KLHL29: variants seen among roughly 807,000 people sequenced by gnomAD.
KLHL29 encodes the protein kelch like family member 29.
In KLHL29, 21 loss-of-function variants were observed where a neutral mutation model predicts 80.4. The ratio of observed to expected loss-of-function variants is 0.26; its 90% CI spans 0.19 to 0.38. The LOEUF is 0.38. KLHL29 is among the 10% of genes least tolerant of loss of function. The pLI is 1.00. For synonymous variants in KLHL29, 511 were observed against 526.8 expected, an observed-to-expected ratio of 0.97 and a Z score of 0.41; for missense variants, 867 against 1,223.9, an observed-to-expected ratio of 0.71 and a Z score of 4.35.
intron 2 of KLHL29, among the ~76,000 whole-genome samples, chr2:23,552,561 G>A (rs567067523): frequency 4.7e-4 from 72 of 152,190 alleles, no homozygotes; most frequent in Admixed American, 3.5e-3. Flanking sequence ...TCTGCCAGAC[G>A]TTCTTCCCTC....
intron 3 of KLHL29, among the ~76,000 whole-genome samples, chr2:23,586,526 A>G (rs1668123715): frequency 6.6e-6 from 1 of 151,428 alleles, no homozygotes; most frequent in Non-Finnish European, 1.5e-5. Context: ...TGCCCGGCTA[A>G]TTTTTGTATT....
chr2:23,439,669 T>G (rs1308250523), intron 1 of KLHL29, among the ~76,000 whole-genome samples: 1 of 152,126 alleles, frequency 6.6e-6, no homozygotes, highest in Non-Finnish European at 1.5e-5. Context: ...CACTGTGGTC[T>G]GAGAGACAGT....
At chr2:23,651,270 C>T (rs1407835094) in intron 5 of KLHL29, among the ~76,000 whole-genome samples, 1 of 152,190 alleles carries the variant, frequency 6.6e-6, no homozygotes, top group Admixed American at 6.5e-5. Context: ...GTTTTCAGTA[C>T]ACCACAAGGC....
rs975442311 is a variant in KLHL29 at position 23,706,353 on chromosome 2, C to T, written c.2445-128C>T. On this transcript the variant is annotated intron_variant, in intron 13 of 13. Coordinates refer to ENST00000486442, the MANE Select transcript of KLHL29 (RefSeq NM_052920.2). Reference sequence around the variant, plus strand: ...GCCCAGGTTAGAGGGCAAAGAAGGGCAGCAAGATCCCAGATGCCTTCTGCA... The same window carrying T: ...GCCCAGGTTAGAGGGCAAAGAAGGGTAGCAAGATCCCAGATGCCTTCTGCA... 3.7e-5 allele frequency: 24 copies of T among 650,932 alleles called. No individual in the cohort carries two copies. In the African/African-American group the frequency reaches 4.6e-4, roughly 12 times the overall value. 40.3% of individuals were successfully genotyped at this position (650,932 alleles called of 1,614,324 possible).
intron 3 of KLHL29, among the ~76,000 whole-genome samples, chr2:23,631,019 G>A (rs571043175): frequency 2.0e-5 from 3 of 152,196 alleles, no homozygotes; most frequent in African/African-American, 7.2e-5. Flanking sequence ...GTGATTGGTG[G>A]TTTCCACTTA....
At chr2:23,558,977 C>T (rs1667370444) in intron 2 of KLHL29, among the ~76,000 whole-genome samples, 1 of 152,226 alleles carries the variant, frequency 6.6e-6, no homozygotes, top group South Asian at 2.1e-4. Flanking sequence ...TAGACAGCAG[C>T]CGTGGCTGCA....
chr2:23,404,282 C>G (rs1666672207), intron 1 of KLHL29, among the ~76,000 whole-genome samples: 1 of 148,476 alleles, frequency 6.7e-6, no homozygotes, highest in African/African-American at 2.5e-5. Context: ...AAAAAAAAAT[C>G]ACTCAGTCAT....
intron 1 of KLHL29, among the ~76,000 whole-genome samples, chr2:23,398,567 G>T (rs552227862): frequency 1.4e-4 from 22 of 152,374 alleles, no homozygotes; most frequent in African/African-American, 5.0e-4. Context: ...TGTAGGTTTT[G>T]CAGATGCTGC....
chr2:23,548,392 T>G (rs1709307), intron 2 of KLHL29, among the ~76,000 whole-genome samples: 23,242 of 151,660 alleles, frequency 0.15, 2,119 homozygotes, highest in African/African-American at 0.25. Context: ...GACACACACA[T>G]GCACGCACCC....
intron 1 of KLHL29, among the ~76,000 whole-genome samples, chr2:23,474,762 T>A (rs566371869): frequency 3.9e-5 from 6 of 152,206 alleles, no homozygotes; most frequent in African/African-American, 1.4e-4. Context: ...ACATTAAAGC[T>A]TTCCCCTGCT....
At chr2:23,599,144 T>C (rs1301624579) in intron 3 of KLHL29, among the ~76,000 whole-genome samples, 1 of 152,196 alleles carries the variant, frequency 6.6e-6, no homozygotes, top group Non-Finnish European at 1.5e-5. Flanking sequence ...TGAAGATAAA[T>C]GCATGTCCCG....
chr2:23,703,446 A>T, intron 12 of KLHL29, 67 bp downstream of exon 12: 2 of 1,334,386 alleles, frequency 1.5e-6, no homozygotes, highest in South Asian at 1.5e-5. Flanking sequence ...TTTGTTCAGT[A>T]TCCCATGCCC....
intron 11 of KLHL29, among the ~76,000 whole-genome samples, chr2:23,701,629 T>C (rs1295314841): frequency 2.6e-5 from 4 of 151,690 alleles, no homozygotes; most frequent in Non-Finnish European, 5.9e-5. Context: ...GGGAGAATTG[T>C]TTAAGCCCAG....
rs764657293 is a variant in KLHL29 at position 23,477,610 on chromosome 2, A to G, written c.-46+1943A>G. On this transcript the variant is annotated intron_variant, in intron 2 of 13. Coordinates refer to ENST00000486442, the MANE Select transcript of KLHL29 (RefSeq NM_052920.2). ...TAGGGAGCTGGTGGGCTGTTGGCAC[A>G]CGCCCATGGCACCACTGGTGGGCGA... is the stretch of plus-strand genomic sequence containing the variant. Among the ~76,000 whole-genome samples the G allele has an allele frequency of 8.1e-4, 123 of 152,226 alleles. 1 individual carries two copies. Among genetic ancestry groups the G allele is most frequent in the Non-Finnish European group, 1.3e-3 (90 of 68,036 alleles).
At chr2:23,454,751 T>C (rs927952642) in intron 1 of KLHL29, among the ~76,000 whole-genome samples, 5 of 152,098 alleles carry the variant, frequency 3.3e-5, no homozygotes, top group African/African-American at 7.2e-5. Context: ...TGCGTTTTTT[T>C]CTGCAATCTC....
In KLHL29 at chr2:23,637,708, C is replaced by G. The variant is rs558621249; in HGVS notation, c.286-1431C>G. Among the ~76,000 whole-genome samples, 8 of 152,302 alleles carry G rather than the reference C, an allele frequency of 5.3e-5. No homozygotes were observed. In the East Asian group the frequency reaches 9.6e-4, roughly 18 times the overall value. On this transcript the variant is annotated intron_variant, in intron 3 of 13. Coordinates refer to ENST00000486442, the MANE Select transcript of KLHL29 (RefSeq NM_052920.2). ...TTGCCCAGCCTCCGCATCCACACCC[C>G]CTTTCTGTCCCTGGCACAGAACCCA...
At chr2:23,703,642 A>C in intron 12 of KLHL29, 77 bp from the exon 13 acceptor site, 1 of 1,449,544 alleles carries the variant, frequency 6.9e-7, no homozygotes. Context: ...CCTTCCCTGG[A>C]GGGTCTTCTG....
At chr2:23,437,114 C>T (rs753084748) in intron 1 of KLHL29, among the ~76,000 whole-genome samples, 2 of 152,166 alleles carry the variant, frequency 1.3e-5, no homozygotes, top group African/African-American at 4.8e-5. Context: ...CCGGGTTCAG[C>T]GGAATGTGTG....
intron 1 of KLHL29, among the ~76,000 whole-genome samples, chr2:23,441,331 G>A (rs1028525610): frequency 4.9e-5 from 3 of 60,640 alleles, no homozygotes; most frequent in Non-Finnish European, 7.0e-5. Flanking sequence ...GACTGTGGCG[G>A]GGTGGGGGGA....
Sources: gnomAD v4.1 joint callset for allele counts (sites outside exome capture counted in the v4.1 genomes callset) on GRCh38, gnomAD v4.1.1 for gene constraint, MANE v1.5 for transcripts, NCBI Gene and HGNC (gene_info 2026-07-23, HGNC 2026-07-21) for gene names.